Variants in CHRNA5 observed in about 807,000 individuals in gnomAD.
CHRNA5 encodes the protein neuronal acetylcholine receptor subunit alpha-5.
CHRNA5 carries 28 observed loss-of-function variants against 41.2 expected under a neutral mutation model. That is an observed-to-expected ratio of 0.68 (90% confidence interval 0.50 to 0.93). CHRNA5 has a LOEUF of 0.93. Ranked by LOEUF, CHRNA5 falls within the 40% of genes least tolerant of loss-of-function variation. CHRNA5 has a pLI of 0.00. For missense variants in CHRNA5, 481 were observed against 581.9 expected (o/e 0.83, Z 1.78); for synonymous variants, 188 against 205.8 (o/e 0.91, Z 0.74).
In CHRNA5 at chr15:78,590,254, T is replaced by A. The variant is rs147498556; in HGVS notation, c.863T>A (p.Val288Glu). Residue 288 changes from valine (V) to glutamate (E), a missense_variant, in exon 5 of 6, where the codon GTA becomes GAA. Physicochemically the swap from Val to Glu is moderately radical, Grantham distance 121. Transcript: ENST00000299565. ...GAAAAGATTTGTCTCTGCACTTCAG[T>A]ACTTGTGTCTTTGACTGTCTTCCTT... 30 of 1,613,932 alleles carry A rather than the reference T, an allele frequency of 1.9e-5. No homozygotes were observed. The Admixed American group carries it at 2.3e-4, about 13-fold the overall frequency.
exon 1 of CHRNA5, chr15:78,565,721 T>G (rs2141390946): frequency 8.6e-7 from 1 of 1,164,748 alleles, no homozygotes; most frequent in African/African-American, 1.6e-5. Context: ...CGCGGGGCGA[T>G]GGCGGCGCGG....
At chr15:78,594,204 G>C (rs1235864544) in exon 6 of CHRNA5, 1 of 152,144 alleles carries the variant, frequency 6.6e-6, no homozygotes. Flanking sequence ...CCACTGTAAA[G>C]TCATACAGTA....
rs370834835 is a variant in CHRNA5, at chr15:78,566,178, C to G, written c.106+353C>G. Among the ~76,000 whole-genome samples, 17 of 152,198 alleles carry G rather than the reference C, an allele frequency of 1.1e-4. No individual in the cohort carries two copies. In the East Asian group the frequency reaches 1.9e-3, roughly 17 times the overall value. On this transcript the variant is annotated intron_variant, in intron 1 of 5. Coordinates refer to ENST00000299565, the Ensembl canonical transcript of CHRNA5. ...CAGCCAAGCTTCCCATTTTGTTGCC[C>G]ATTTACGGGATATAGAGACTCTGGG...
At chr15:78,590,877 G>GAT in intron 5 of CHRNA5, 1 of 487,670 alleles carries the variant, frequency 2.1e-6, no homozygotes, top group Non-Finnish European at 3.6e-6. Flanking sequence ...CAGCATCTTG[G>GAT]ATAACTCTAA....
At chr15:78,593,368 A>C (rs2053043554) in exon 6 of CHRNA5, 1 of 1,063,084 alleles carries the variant, frequency 9.4e-7, no homozygotes. Flanking sequence ...TTAACAGACT[A>C]AGTTGCTAAC....
chr15:78,578,523 A>T (rs2052880004), intron 1 of CHRNA5, among the ~76,000 whole-genome samples: 2 of 152,198 alleles, frequency 1.3e-5, no homozygotes, highest in Admixed American at 1.3e-4. Flanking sequence ...AATAAATAAA[A>T]AATAAATAAT....
Position 78,588,573 on chromosome 15 carries a change from T to C in CHRNA5, c.413+150T>C. On this transcript the variant is annotated intron_variant, in intron 4 of 5. Transcript: ENST00000299565. This position sits in a 1 kb window ranked among gnomAD's most constrained non-coding sequence, Gnocchi z 4.1. ...TGTGCCTGGGTATGATTACATGTTT[T>C]ATAGATGAGGAAACAGAGGCTTAGG... is the stretch of plus-strand genomic sequence containing the variant. 2.2e-6 allele frequency: 1 copy of C among 463,624 alleles called. No homozygotes were observed. Among genetic ancestry groups the C allele is most frequent in the Non-Finnish European group, 3.8e-6 (1 of 262,678 alleles). The allele number at this position is 463,624 out of a possible 1,614,324, so 28.7% of individuals were successfully genotyped here.
intron 1 of CHRNA5, among the ~76,000 whole-genome samples, chr15:78,573,017 C>A (rs958753987): frequency 8.5e-5 from 13 of 152,246 alleles, no homozygotes; most frequent in Admixed American, 5.9e-4. Flanking sequence ...TGAGAAAAAA[C>A]AAAATAAATC....
Position 78,569,684 on chromosome 15 carries a change from C to T in CHRNA5, c.106+3859C>T, listed in dbSNP as rs570545190. On this transcript the variant is annotated intron_variant, in intron 1 of 5. Coordinates refer to ENST00000299565, the Ensembl canonical transcript of CHRNA5. ...TCCTGACCTCATGACCCGCCCGCCT[C>T]GGCGTCCCAAAGTGCTGGGATTACA... 1.1e-4 allele frequency among the ~76,000 whole-genome samples: 17 copies of T among 152,200 alleles called. No individual in the cohort carries two copies. The East Asian group carries it at 1.4e-3, about 12-fold the overall frequency.
chr15:78,575,473 T>G (rs184263644), intron 1 of CHRNA5, among the ~76,000 whole-genome samples: 273 of 152,298 alleles, frequency 1.8e-3, no homozygotes, highest in African/African-American at 6.5e-3. Context: ...ATTAGCAGGT[T>G]GTATTATAAT....
Position 78,565,555 on chromosome 15 carries a change from G to A in CHRNA5, c.-165G>A, listed in dbSNP as rs1387269442. On this transcript the variant is annotated 5_prime_UTR_variant, in exon 1 of 6. Transcript: ENST00000299565. ...CGAGCCCGCCAGAAGCTGCTAGGCT[G>A]AGGCTGCTGTCCCGGCGGGAGCTGT... 4 of 215,990 alleles carry A rather than the reference G, an allele frequency of 1.9e-5. No individual in the cohort carries two copies. The Admixed American group carries it at 2.3e-4, about 12-fold the overall frequency. The allele number at this position is 215,990 out of a possible 1,614,324, so 13.4% of individuals were successfully genotyped here. A position where few individuals can be genotyped will look rare whatever the true frequency, so the allele number is the denominator to read the frequency against.
In CHRNA5 at chr15:78,588,554, T is replaced by TGG. The variant is rs1348442411; in HGVS notation, c.413+133_413+134dup. 2.1e-6 allele frequency: 1 copy of TGG among 479,058 alleles called. No individual in the cohort carries two copies. The allele number at this position is 479,058 out of a possible 1,614,324, so 29.7% of individuals were successfully genotyped here. A position where few individuals can be genotyped will look rare whatever the true frequency, so the allele number is the denominator to read the frequency against. On this transcript the variant is annotated intron_variant, in intron 4 of 5. Coordinates refer to ENST00000299565, the Ensembl canonical transcript of CHRNA5. This position sits in a 1 kb window ranked among gnomAD's most constrained non-coding sequence, Gnocchi z 4.1. The stretch of plus-strand genomic sequence containing the variant: ...ATCAAATGACATGACCGCATGTGCC[T>TGG]GGGTATGATTACATGTTTTATAGAT...
chr15:78,592,902 T>G (rs1389705000), intron 5 of CHRNA5, 190 bp from the exon 6 acceptor site: 3 of 493,702 alleles, frequency 6.1e-6, no homozygotes, highest in Non-Finnish European at 1.0e-5. Flanking sequence ...TAGTGTCTTT[T>G]AAAGCTTATA....
chr15:78,577,926 C>CAAAA (rs5813925), intron 1 of CHRNA5, among the ~76,000 whole-genome samples: 38 of 129,168 alleles, frequency 2.9e-4, no homozygotes, highest in East Asian at 1.8e-3. Context: ...GACCCTGTCT[C>CAAAA]AAAAAAAAAA....
At chr15:78,593,572 G>A (rs1285686517) in exon 6 of CHRNA5, 1 of 176,770 alleles carries the variant, frequency 5.7e-6, no homozygotes, top group African/African-American at 2.4e-5. Flanking sequence ...TGACTGTGCT[G>A]GAGAATTCCA....
chr15:78,594,585 G>A (rs1323933867), exon 6 of CHRNA5: 2 of 152,342 alleles, frequency 1.3e-5, no homozygotes, highest in Non-Finnish European at 1.5e-5. Flanking sequence ...GGCTGAGGCA[G>A]GAGAATCGCT....
Position 78,587,993 on chromosome 15 carries a change from C to T in CHRNA5, c.304-321C>T, listed in dbSNP as rs1458031712. On this transcript the variant is annotated intron_variant, in intron 3 of 5. Coordinates refer to ENST00000299565, the Ensembl canonical transcript of CHRNA5. ...AATACATCTGGAAAAAAGAATGTTT[C>T]CCTTGAACCTGGATATTAAGTGCCT... 2.0e-5 allele frequency among the ~76,000 whole-genome samples: 3 copies of T among 152,150 alleles called. No homozygotes were observed. The East Asian group carries it at 5.8e-4, about 29-fold the overall frequency.
intron 5 of CHRNA5, chr15:78,590,862 C>T: frequency 1.9e-6 from 1 of 521,822 alleles, no homozygotes; most frequent in South Asian, 2.6e-5. Flanking sequence ...CTCCACTTCC[C>T]CCATCAGCAT....
At position 78,567,946 on chromosome 15, in the gene CHRNA5, G is replaced by A. The variant is rs547898312; in HGVS notation, c.106+2121G>A. Reference sequence around the variant, plus strand: ...TGGCTGAAAGTACTGTCTGGAAATAGGAGACCTGCCACTCGCTGTCTGTGT... The same window carrying A: ...TGGCTGAAAGTACTGTCTGGAAATAAGAGACCTGCCACTCGCTGTCTGTGT... On this transcript the variant is annotated intron_variant, in intron 1 of 5. Coordinates refer to ENST00000299565, the Ensembl canonical transcript of CHRNA5. Among the ~76,000 whole-genome samples, 36 of 152,314 alleles carry A rather than the reference G, an allele frequency of 2.4e-4. 1 individual carries two copies. The South Asian group carries it at 7.3e-3, about 31-fold the overall frequency.
Sources: allele counts gnomAD v4.1 joint callset (sites outside exome capture counted in the v4.1 genomes callset), GRCh38; gene constraint gnomAD v4.1.1; non-coding constraint Gnocchi (gnomAD v3.1); transcripts MANE v1.5; gene names NCBI Gene and HGNC (gene_info 2026-07-23, HGNC 2026-07-21).